Variants in ADAMTS14 observed in about 807,000 individuals in gnomAD.
ADAMTS14 encodes A disintegrin and metalloproteinase with thrombospondin motifs 14.
In ADAMTS14, 100 loss-of-function variants were observed where a neutral mutation model predicts 128.6. That is an observed-to-expected ratio of 0.78 (90% CI 0.66 to 0.92). ADAMTS14 has a LOEUF of 0.92. Among genes scored for constraint, ADAMTS14 ranks in the 40% least tolerant of loss-of-function variants. ADAMTS14 has a pLI of 0.00. For missense variants in ADAMTS14, 1,562 were observed against 1,658.6 expected, an observed-to-expected ratio of 0.94 and a Z score of 1.01; for synonymous variants, 665 against 653.8, an observed-to-expected ratio of 1.02 and a Z score of -0.26.
chr10:70,754,673 G>A (rs1345535018), intron 19 of ADAMTS14, among the ~76,000 whole-genome samples: 3 of 152,192 alleles, frequency 2.0e-5, no homozygotes, highest in Non-Finnish European at 2.9e-5. Flanking sequence ...GGAGGCAGGC[G>A]GGGGTCCATG....
intron 10 of ADAMTS14, among the ~76,000 whole-genome samples, chr10:70,738,314 AGTAGCCACAC>A (rs1280108397): frequency 6.6e-6 from 1 of 152,214 alleles, no homozygotes; most frequent in East Asian, 1.9e-4. Flanking sequence ...AGCAAGCTAA[AGTAGCCACAC>A]GTAGCTAGTA....
Position 70,752,168 on chromosome 10 carries a change from CAAG to C in ADAMTS14, c.2675_2677del (p.Lys892del). The C allele has an allele frequency of 6.2e-7, 1 of 1,613,700 alleles. No homozygotes were observed. Among genetic ancestry groups the C allele is most frequent in the Non-Finnish European group, 8.5e-7 (1 of 1,179,980 alleles). Reference sequence around the variant, plus strand: ...TGGTGCAGCGACACCTGTGTGACCACAAGAAGAGGCCCAAGCCCATCCGCCGGC... The same window carrying C: ...TGGTGCAGCGACACCTGTGTGACCACAAGAGGCCCAAGCCCATCCGCCGGC... On this transcript the variant is annotated inframe_deletion, in exon 18 of 22. Transcript: ENST00000373207.
At chr10:70,757,413 C>T (rs902089620) in intron 19 of ADAMTS14, among the ~76,000 whole-genome samples, 2 of 152,140 alleles carry the variant, frequency 1.3e-5, no homozygotes, top group Non-Finnish European at 2.9e-5. Flanking sequence ...TCCATGGAGA[C>T]CCTGTCGCCC....
At chr10:70,725,274 G>A (rs1273786321) in intron 4 of ADAMTS14, among the ~76,000 whole-genome samples, 2 of 152,130 alleles carry the variant, frequency 1.3e-5, no homozygotes, top group Non-Finnish European at 2.9e-5. Context: ...ACGTGGAAGG[G>A]AAGGCTGAAC....
chr10:70,680,601 C>T (rs1456388374), intron 2 of ADAMTS14, among the ~76,000 whole-genome samples: 1 of 152,096 alleles, frequency 6.6e-6, no homozygotes, highest in Non-Finnish European at 1.5e-5. Flanking sequence ...GCTTAGATTC[C>T]TCATCTGTAG....
chr10:70,754,086 A>G (rs1432781144), intron 19 of ADAMTS14, 79 bp downstream of exon 19: 7 of 1,326,954 alleles, frequency 5.3e-6, no homozygotes, highest in Non-Finnish European at 7.0e-6. Flanking sequence ...CCTGCAGGCA[A>G]GAGAGTTTCT....
intron 15 of ADAMTS14, among the ~76,000 whole-genome samples, chr10:70,745,765 C>T (rs1301533996): frequency 6.6e-6 from 1 of 152,122 alleles, no homozygotes; most frequent in Non-Finnish European, 1.5e-5. Flanking sequence ...GGTGGTTCTT[C>T]TACTTGTCTT....
chr10:70,702,478 A>G lies in ADAMTS14; in HGVS notation c.679+10A>G, dbSNP rs780698324. On this transcript the variant is annotated intron_variant, in intron 3 of 21. Coordinates refer to ENST00000373207, the MANE Select transcript of ADAMTS14 (RefSeq NM_080722.4). ...GACCTGCACAATGAAGGTAGGCTGTAGGTAGGGGCCTGTGTGCTGCTTCTC... is the reference window on the plus strand; with the variant it reads ...GACCTGCACAATGAAGGTAGGCTGTGGGTAGGGGCCTGTGTGCTGCTTCTC... 6 of 1,595,328 alleles carry G rather than the reference A, an allele frequency of 3.8e-6. No individual in the cohort carries two copies. The South Asian group carries it at 6.9e-5, about 18-fold the overall frequency.
At chr10:70,734,416 C>G (rs1296401368) in intron 8 of ADAMTS14, among the ~76,000 whole-genome samples, 1 of 152,126 alleles carries the variant, frequency 6.6e-6, no homozygotes, top group Non-Finnish European at 1.5e-5. Context: ...CCCAGTGGCT[C>G]CTAACGACCC....
At position 70,745,285 on chromosome 10, in the gene ADAMTS14, G is replaced by T; in HGVS notation, c.2242G>T (p.Glu748Ter). The change falls in exon 15 of 22, where the codon GAG (glutamate) becomes TAG (stop). Residue 748 changes from glutamate (E) to a stop codon, truncating the protein, a stop_gained. Coordinates refer to ENST00000373207, the MANE Select transcript of ADAMTS14 (RefSeq NM_080722.4). LOFTEE classifies it high-confidence loss of function. ...GARHIQIEAL[E>*]KSPHRIVVKN... ...CAGGCACATCCAGATTGAGGCACTGGAGAAGTCCCCCCACCGCATTGGTGA... is the reference window on the plus strand; with the variant it reads ...CAGGCACATCCAGATTGAGGCACTGTAGAAGTCCCCCCACCGCATTGGTGA... 1 of 1,612,654 alleles carries T rather than the reference G, an allele frequency of 6.2e-7. No individual in the cohort carries two copies. Among genetic ancestry groups the T allele is most frequent in the Non-Finnish European group, 8.5e-7 (1 of 1,179,986 alleles).
At chr10:70,717,418 A>G (rs1339431840) in intron 4 of ADAMTS14, among the ~76,000 whole-genome samples, 1 of 152,156 alleles carries the variant, frequency 6.6e-6, no homozygotes, top group Non-Finnish European at 1.5e-5. Context: ...TTGAGGAAGG[A>G]GACCCAAGTG....
At chr10:70,741,300 G>A in intron 12 of ADAMTS14, 138 bp downstream of exon 12, 1 of 1,046,314 alleles carries the variant, frequency 9.6e-7, no homozygotes, top group Non-Finnish European at 1.4e-6. Context: ...GGACACTGAA[G>A]TCAGCGGGCT....
chr10:70,688,862 G>C (rs1436524846), intron 2 of ADAMTS14, among the ~76,000 whole-genome samples: 4 of 2,010 alleles, frequency 2.0e-3, no homozygotes, highest in Non-Finnish European at 9.4e-3. Flanking sequence ...AGGGGGAGGG[G>C]GAGGGGGAGG....
chr10:70,685,567 T>C (rs1839929129), intron 2 of ADAMTS14, among the ~76,000 whole-genome samples: 1 of 152,066 alleles, frequency 6.6e-6, no homozygotes, highest in East Asian at 1.9e-4. Context: ...AAGCCGAGGC[T>C]CAAGTTGGGG....
At chr10:70,723,609 G>A (rs1312849798) in intron 4 of ADAMTS14, among the ~76,000 whole-genome samples, 1 of 152,228 alleles carries the variant, frequency 6.6e-6, no homozygotes, top group Non-Finnish European at 1.5e-5. Context: ...GCAAGGAGGC[G>A]CTTGTGGGCT....
chr10:70,719,300 C>T lies in ADAMTS14; in HGVS notation c.871-9994C>T, dbSNP rs547819281. Among the ~76,000 whole-genome samples the T allele has an allele frequency of 2.6e-5, 4 of 152,118 alleles. No individual in the cohort carries two copies. The East Asian group carries it at 7.7e-4, about 29-fold the overall frequency. ...AGAGATATGTGGTAGTGAGCACCCT[C>T]CTGCAAAGAGAGTTTTATGGTTCAC... On this transcript the variant is annotated intron_variant, in intron 4 of 21. Transcript: ENST00000373207.
chr10:70,691,500 A>G (rs183135828), intron 2 of ADAMTS14, among the ~76,000 whole-genome samples: 6 of 112,878 alleles, frequency 5.3e-5, no homozygotes, highest in East Asian at 2.1e-4. Flanking sequence ...AAAAAAAAAA[A>G]AAAAAAAAAC....
At chr10:70,736,650 G>A (rs1841836015) in intron 9 of ADAMTS14, 30 bp from the exon 10 acceptor site, 1 of 1,602,754 alleles carries the variant, frequency 6.2e-7, no homozygotes, top group Non-Finnish European at 8.5e-7. Flanking sequence ...AGCCAGTCCA[G>A]TCTGGTGACC....
intron 15 of ADAMTS14, among the ~76,000 whole-genome samples, chr10:70,748,076 T>C (rs930101963): frequency 6.6e-6 from 1 of 152,048 alleles, no homozygotes; most frequent in Admixed American, 6.6e-5. Context: ...ATATCTCCCA[T>C]GCGCTGGGCC....
Sources: gnomAD v4.1 joint callset for allele counts (sites outside exome capture counted in the v4.1 genomes callset) on GRCh38, gnomAD v4.1.1 for gene constraint, MANE v1.5 for transcripts, NCBI Gene and HGNC (gene_info 2026-07-23, HGNC 2026-07-21) for gene names.